ASIC2: variants seen among roughly 807,000 people sequenced by gnomAD.
ASIC2 encodes the protein acid-sensing ion channel 2.
A neutral mutation model predicts 57.3 loss-of-function variants in ASIC2; 25 were observed. The ratio of observed to expected loss-of-function variants is 0.44; its 90% CI spans 0.32 to 0.61. The LOEUF is 0.61. Ranked by LOEUF, ASIC2 falls within the 20% of genes least tolerant of loss-of-function variation. The pLI, the probability that ASIC2 is intolerant of heterozygous loss-of-function variation, is 0.06. For missense variants in ASIC2, 641 were observed against 738.1 expected (o/e 0.87, Z 1.52); for synonymous variants, 319 against 307.5 (o/e 1.04, Z -0.39).
At chr17:33,104,890 T>C (rs2092229320) in intron 2 of ASIC2, among the ~76,000 whole-genome samples, 1 of 152,182 alleles carries the variant, frequency 6.6e-6, no homozygotes, top group South Asian at 2.1e-4. Context: ...CTGGGCTCTG[T>C]GTCCTCATCC....
chr17:33,056,122 G>C (rs2091997100), intron 3 of ASIC2, among the ~76,000 whole-genome samples: 1 of 152,200 alleles, frequency 6.6e-6, no homozygotes, highest in South Asian at 2.1e-4. Flanking sequence ...CAAGTGATTT[G>C]CCTCTGGTCA....
chr17:34,104,153 A>G (rs998459524), intron 1 of ASIC2, among the ~76,000 whole-genome samples: 5 of 152,258 alleles, frequency 3.3e-5, no homozygotes, highest in Admixed American at 6.5e-5. Context: ...GTAGTTTTCA[A>G]TATAGAGGAT....
At position 33,727,105 on chromosome 17, in the gene ASIC2, A is replaced by G. The variant is rs142895841; in HGVS notation, c.555+428873T>C. Among the ~76,000 whole-genome samples, 688 of 152,340 alleles carry G rather than the reference A, an allele frequency of 4.5e-3. 3 individuals are homozygous for G. The highest frequency in any genetic ancestry group is 0.016 in the African/African-American group (656 of 41,582). ...AACCAACTACAGAGGTGAGCCTGTA[A>G]TATACTTTGTACTCCTAAATGGAAC... On this transcript the variant is annotated intron_variant, in intron 1 of 9. Transcript: ENST00000359872.
chr17:33,274,938 A>T (rs946250227), intron 1 of ASIC2, among the ~76,000 whole-genome samples: 1 of 152,040 alleles, frequency 6.6e-6, no homozygotes, highest in Non-Finnish European at 1.5e-5. Context: ...TGACCAGATG[A>T]TCCTGGTGCC....
At chr17:33,087,387 C>T (rs138295064) in intron 3 of ASIC2, among the ~76,000 whole-genome samples, 88 of 152,196 alleles carry the variant, frequency 5.8e-4, no homozygotes, top group African/African-American at 2.1e-3. Flanking sequence ...CCAGGCTAAC[C>T]TTCCAGCACC....
chr17:33,840,442 T>C (rs770966010), intron 1 of ASIC2, among the ~76,000 whole-genome samples: 6 of 152,208 alleles, frequency 3.9e-5, no homozygotes, highest in African/African-American at 1.4e-4. Flanking sequence ...AAGGAGTGTA[T>C]GTACAGCACC....
At chr17:34,073,941 C>A (rs1258320656) in intron 1 of ASIC2, among the ~76,000 whole-genome samples, 1 of 152,178 alleles carries the variant, frequency 6.6e-6, no homozygotes, top group Non-Finnish European at 1.5e-5. Flanking sequence ...CTGCGTAAGG[C>A]TCTAAATGTC....
chr17:33,115,992 C>G (rs2092279495), intron 1 of ASIC2, among the ~76,000 whole-genome samples: 1 of 152,218 alleles, frequency 6.6e-6, no homozygotes, highest in Admixed American at 6.5e-5. Context: ...CCCCTTCCCT[C>G]CCATTCTCTG....
intron 1 of ASIC2, among the ~76,000 whole-genome samples, chr17:33,520,175 A>AAATCTT (rs1914697870): frequency 6.6e-6 from 1 of 152,168 alleles, no homozygotes; most frequent in Non-Finnish European, 1.5e-5. Context: ...GGTCATTAAT[A>AAATCTT]AATGCATTGT....
intron 1 of ASIC2, among the ~76,000 whole-genome samples, chr17:34,085,414 C>G (rs142495098): frequency 3.7e-4 from 56 of 152,252 alleles, no homozygotes; most frequent in Admixed American, 7.8e-4. Context: ...GATAAGCTTT[C>G]TGATGTGCTG....
In ASIC2 at chr17:33,903,271, G is replaced by T. The variant is rs978133339; in HGVS notation, c.555+252707C>A. Among the ~76,000 whole-genome samples the T allele has an allele frequency of 3.9e-5, 6 of 152,090 alleles. No individual in the cohort carries two copies. The East Asian group carries it at 1.2e-3, about 29-fold the overall frequency. ...GAACAATTTATGATGTTCCATGGAG[G>T]GTTCTCCTTTCTTGAATGCTGATAG... On this transcript the variant is annotated intron_variant, in intron 1 of 9. Transcript: ENST00000359872.
chr17:33,958,323 T>C (rs1160705779), intron 1 of ASIC2, among the ~76,000 whole-genome samples: 10 of 152,212 alleles, frequency 6.6e-5, no homozygotes, highest in Non-Finnish European at 4.4e-5. Context: ...CATTGGAAAC[T>C]TTGTGTGGGG....
At chr17:33,165,677 T>G (rs1433901109) in intron 1 of ASIC2, among the ~76,000 whole-genome samples, 1 of 152,242 alleles carries the variant, frequency 6.6e-6, no homozygotes, top group East Asian at 1.9e-4. Context: ...TCTCACTCAT[T>G]TAAGAAGCCC....
chr17:33,531,413 A>G (rs1567641087), intron 1 of ASIC2, among the ~76,000 whole-genome samples: 1 of 152,156 alleles, frequency 6.6e-6, no homozygotes, highest in Non-Finnish European at 1.5e-5. Flanking sequence ...CTGGAAAGTC[A>G]AGACACGTGG....
intron 1 of ASIC2, among the ~76,000 whole-genome samples, chr17:34,041,654 C>T (rs1908137701): frequency 6.6e-6 from 1 of 152,180 alleles, no homozygotes; most frequent in Admixed American, 6.5e-5. Flanking sequence ...CACACTAACC[C>T]TCAAACCAAG....
At chr17:33,042,102 A>G (rs1274004921) in intron 3 of ASIC2, among the ~76,000 whole-genome samples, 1 of 152,230 alleles carries the variant, frequency 6.6e-6, no homozygotes, top group Non-Finnish European at 1.5e-5. Flanking sequence ...GTGTGTTTGT[A>G]TATGATTATT....
intron 1 of ASIC2, among the ~76,000 whole-genome samples, chr17:33,421,551 G>A (rs1043533263): frequency 3.3e-5 from 5 of 152,232 alleles, no homozygotes; most frequent in African/African-American, 1.2e-4. Flanking sequence ...ATTGCGGTAA[G>A]GAGTTGGGTA....
intron 1 of ASIC2, among the ~76,000 whole-genome samples, chr17:33,997,410 T>A (rs1906200010): frequency 6.8e-6 from 1 of 146,800 alleles, no homozygotes; most frequent in African/African-American, 2.5e-5. Flanking sequence ...AGCCTTGGGC[T>A]CCTGAAGTGC....
intron 1 of ASIC2, chr17:34,002,750 T>G (rs370275894): frequency 6.6e-6 from 1 of 152,246 alleles, no homozygotes; most frequent in East Asian, 1.9e-4. Flanking sequence ...AATAATTCTT[T>G]TGATTGAATT....
Sources: gnomAD v4.1 joint callset for allele counts (sites outside exome capture counted in the v4.1 genomes callset) on GRCh38, gnomAD v4.1.1 for gene constraint, MANE v1.5 for transcripts, NCBI Gene and HGNC (gene_info 2026-07-23, HGNC 2026-07-21) for gene names.